The following CACNB2 variants were observed in gnomAD, a reference collection of about 807,000 sequenced individuals.
The protein encoded by CACNB2 is voltage-dependent L-type calcium channel subunit beta-2.
A neutral mutation model predicts 73.3 loss-of-function variants in CACNB2; 42 were observed. That is an observed-to-expected ratio of 0.57 (90% CI 0.45 to 0.74). The LOEUF is 0.74. Among genes scored for constraint, CACNB2 ranks in the 30% least tolerant of loss-of-function variants. The pLI is 0.00. For missense variants in CACNB2, 940 were observed against 853.0 expected, an observed-to-expected ratio of 1.10 and a Z score of -1.27; for synonymous variants, 348 against 310.3, an observed-to-expected ratio of 1.12 and a Z score of -1.28.
In CACNB2 at chr10:18,265,427, G is replaced by A. The variant is rs1020602597; in HGVS notation, c.213+114452G>A. ...ATTACAGGTGTGAGCCACCACACCC[G>A]GCCATTTAGCCATCTTCTTTTGTGA... On this transcript the variant is annotated intron_variant, in intron 2 of 13. Transcript: ENST00000324631. 7.9e-5 allele frequency among the ~76,000 whole-genome samples: 12 copies of A among 152,096 alleles called. No homozygotes were observed. In the East Asian group the frequency reaches 1.7e-3, roughly 22 times the overall value.
chr10:18,309,618 C>T (rs2039882341), intron 2 of CACNB2, among the ~76,000 whole-genome samples: 1 of 152,034 alleles, frequency 6.6e-6, no homozygotes, highest in Non-Finnish European at 1.5e-5. Flanking sequence ...CCACCATGCC[C>T]AGCTAATTTT....
At chr10:18,276,539 C>T (rs1188720792) in intron 2 of CACNB2, among the ~76,000 whole-genome samples, 4 of 152,052 alleles carry the variant, frequency 2.6e-5, no homozygotes, top group Non-Finnish European at 5.9e-5. Flanking sequence ...CAGTGGCACG[C>T]ACCCAGCTCT....
At chr10:18,425,968 G>A (rs1340080877) in intron 3 of CACNB2, among the ~76,000 whole-genome samples, 1 of 152,094 alleles carries the variant, frequency 6.6e-6, no homozygotes, top group Non-Finnish European at 1.5e-5. Flanking sequence ...TGCTATTCAT[G>A]TTTCAATGCC....
intron 2 of CACNB2, among the ~76,000 whole-genome samples, chr10:18,389,600 C>T (rs527502966): frequency 5.9e-5 from 9 of 152,304 alleles, no homozygotes; most frequent in Middle Eastern, 3.4e-3. Flanking sequence ...TAATAGTCTA[C>T]TAAGCATGTG....
rs1284150604 is a variant in CACNB2, at chr10:18,346,633, G to C, written c.214-55291G>C. Among the ~76,000 whole-genome samples, 3 of 152,074 alleles carry C rather than the reference G, an allele frequency of 2.0e-5. No individual in the cohort carries two copies. In the East Asian group the frequency reaches 5.8e-4, roughly 29 times the overall value. On this transcript the variant is annotated intron_variant, in intron 2 of 13. Coordinates refer to ENST00000324631, the MANE Select transcript of CACNB2 (RefSeq NM_201596.3). Reference sequence around the variant, plus strand: ...CTCGGGGGGCACAGGGTCTCACTCTGTCGCCCAGGCTGGAGTGCAGCGATA... The same window carrying C: ...CTCGGGGGGCACAGGGTCTCACTCTCTCGCCCAGGCTGGAGTGCAGCGATA...
chr10:18,217,217 C>T (rs1260647790), intron 2 of CACNB2, among the ~76,000 whole-genome samples: 3 of 152,152 alleles, frequency 2.0e-5, no homozygotes, highest in Non-Finnish European at 1.5e-5. Flanking sequence ...TGCAAGCTGG[C>T]TCACACCTGT....
intron 2 of CACNB2, among the ~76,000 whole-genome samples, chr10:18,354,307 TCTTGGGAAGAGTCTC>T (rs2132158333): frequency 6.6e-6 from 1 of 152,282 alleles, no homozygotes; most frequent in Admixed American, 6.5e-5. Flanking sequence ...TGCTTGCCTG[TCTTGGGAAGAGTCTC>T]CTTGGTGAGG....
chr10:18,449,392 A>T (rs1031370210), intron 3 of CACNB2, among the ~76,000 whole-genome samples: 3 of 152,206 alleles, frequency 2.0e-5, no homozygotes, highest in African/African-American at 7.2e-5. Context: ...AAAATAAAAA[A>T]TAAAAAATAA....
intron 2 of CACNB2, among the ~76,000 whole-genome samples, chr10:18,251,166 T>C (rs1318260740): frequency 3.9e-5 from 6 of 152,230 alleles, no homozygotes; most frequent in Non-Finnish European, 7.3e-5. Flanking sequence ...GCTAGATTTT[T>C]ACAGTTCAGC....
At chr10:18,248,114 C>T (rs753886845) in intron 2 of CACNB2, among the ~76,000 whole-genome samples, 3 of 152,170 alleles carry the variant, frequency 2.0e-5, no homozygotes, top group Non-Finnish European at 4.4e-5. Flanking sequence ...GACCACAGTA[C>T]CTACCAAACT....
intron 3 of CACNB2, among the ~76,000 whole-genome samples, chr10:18,437,963 C>T (rs2046219707): frequency 6.8e-6 from 1 of 147,486 alleles, no homozygotes; most frequent in South Asian, 2.2e-4. Flanking sequence ...AGGGGAATGG[C>T]CCTGAGTCTG....
rs146388703 is a variant in CACNB2 at position 18,446,652 on chromosome 10, T to C, written c.333+44609T>C. Among the ~76,000 whole-genome samples, 233 of 152,296 alleles carry C rather than the reference T, an allele frequency of 1.5e-3. 1 individual carries two copies. The highest frequency in any genetic ancestry group is 5.4e-3 in the African/African-American group (225 of 41,562). On this transcript the variant is annotated intron_variant, in intron 3 of 13. Transcript: ENST00000324631. ...TTGCTCAAGTCAACTTGTAATTGCA[T>C]GCACTGATTTTCTCTGTAAGACTTC...
intron 2 of CACNB2, among the ~76,000 whole-genome samples, chr10:18,242,828 CAAAA>C (rs10556493): frequency 7.0e-6 from 1 of 143,564 alleles, no homozygotes; most frequent in Non-Finnish European, 1.5e-5. Context: ...ACTAAAAATG[CAAAA>C]AAAAAAAAAC....
At chr10:18,475,581 C>A (rs910317356) in intron 3 of CACNB2, among the ~76,000 whole-genome samples, 2 of 152,176 alleles carry the variant, frequency 1.3e-5, no homozygotes, top group African/African-American at 4.8e-5. Context: ...GATATGGCTC[C>A]ACTTATTGAT....
intron 3 of CACNB2, among the ~76,000 whole-genome samples, chr10:18,442,832 A>AG: frequency 6.8e-6 from 1 of 147,334 alleles, no homozygotes; most frequent in Middle Eastern, 3.5e-3. Flanking sequence ...TTAAAAAAAA[A>AG]AAAGAAAGAA....
intron 3 of CACNB2, among the ~76,000 whole-genome samples, chr10:18,426,429 T>C (rs1480344511): frequency 2.0e-5 from 3 of 152,262 alleles, no homozygotes; most frequent in African/African-American, 7.2e-5. Flanking sequence ...TGATTTTGTC[T>C]GAAAAGCTTT....
intron 10 of CACNB2, chr10:18,532,074 C>G (rs944579799): frequency 2.0e-5 from 3 of 152,118 alleles, no homozygotes; most frequent in African/African-American, 4.8e-5. Context: ...AGGAAAATTC[C>G]TAGCATGGAT....
chr10:18,162,398 G>A (rs1275114456), intron 2 of CACNB2, among the ~76,000 whole-genome samples: 1 of 152,130 alleles, frequency 6.6e-6, no homozygotes, highest in Non-Finnish European at 1.5e-5. Context: ...AAAAAATCGA[G>A]GATCTGATGT....
intron 2 of CACNB2, among the ~76,000 whole-genome samples, chr10:18,157,742 C>G (rs1218674209): frequency 6.6e-6 from 1 of 152,080 alleles, no homozygotes; most frequent in African/African-American, 2.4e-5. Context: ...TTCCTTGTAG[C>G]TAAAGGAAAT....
Sources: allele counts gnomAD v4.1 joint callset (sites outside exome capture counted in the v4.1 genomes callset), GRCh38; gene constraint gnomAD v4.1.1; transcripts MANE v1.5; gene names NCBI Gene and HGNC (gene_info 2026-07-23, HGNC 2026-07-21).